Variants in MDFIC2 observed in about 807,000 individuals in gnomAD.
MDFIC2 encodes myoD family inhibitor domain-containing protein 2.
chr3:70,252,710 T>C (rs1701780914), intron 2 of MDFIC2, among the ~76,000 whole-genome samples: 1 of 152,172 alleles, frequency 6.6e-6, no homozygotes, highest in South Asian at 2.1e-4. Flanking sequence ...TTTTTTTAAA[T>C]TGAATGCCTC....
At chr3:70,205,434 C>A (rs1701280440) in intron 3 of MDFIC2, 1 of 152,102 alleles carries the variant, frequency 6.6e-6, no homozygotes, top group Admixed American at 6.6e-5. Context: ...GTGCACAAGA[C>A]ACCACATACA....
At chr3:70,223,894 G>T (rs1222403215) in intron 2 of MDFIC2, among the ~76,000 whole-genome samples, 2 of 151,730 alleles carry the variant, frequency 1.3e-5, no homozygotes, top group African/African-American at 4.8e-5. Flanking sequence ...CTCTTACTCT[G>T]CTTCATCAAT....
At chr3:70,254,152 C>A (rs977616494) in intron 2 of MDFIC2, among the ~76,000 whole-genome samples, 2 of 151,692 alleles carry the variant, frequency 1.3e-5, no homozygotes, top group African/African-American at 2.4e-5. Flanking sequence ...TCCAATTACA[C>A]AAAAAAAATT....
At chr3:70,216,410 C>A (rs1701412860) in intron 2 of MDFIC2, among the ~76,000 whole-genome samples, 4 of 151,822 alleles carry the variant, frequency 2.6e-5, no homozygotes, top group Admixed American at 2.0e-4. Flanking sequence ...ATACTCCCAG[C>A]AACCCTATGT....
Position 70,283,149 on chromosome 3 carries a change from A to G in MDFIC2, c.88+28737T>C, listed in dbSNP as rs371008547. On this transcript the variant is annotated intron_variant, in intron 2 of 3. Transcript: ENST00000567252. Reference sequence around the variant, plus strand: ...CATTTATCTTGACATCAACAGTAGCACTAGGTGGTTGTGAGCATAAGCAGT... The same window carrying G: ...CATTTATCTTGACATCAACAGTAGCGCTAGGTGGTTGTGAGCATAAGCAGT... Among the ~76,000 whole-genome samples the G allele has an allele frequency of 1.1e-4, 17 of 152,110 alleles. 1 individual carries two copies. The highest frequency in any genetic ancestry group is 9.6e-4 in the East Asian group (5 of 5,182).
intron 2 of MDFIC2, among the ~76,000 whole-genome samples, chr3:70,279,135 T>C (rs1226216686): frequency 1.3e-5 from 2 of 151,050 alleles, no homozygotes; most frequent in Non-Finnish European, 2.9e-5. Flanking sequence ...TTTCACTCAC[T>C]ACATGCAATC....
intron 2 of MDFIC2, among the ~76,000 whole-genome samples, chr3:70,235,681 C>T (rs1452849638): frequency 2.0e-5 from 3 of 152,282 alleles, no homozygotes; most frequent in African/African-American, 2.4e-5. Context: ...TGTTAGTCTG[C>T]ACAATGTGTA....
intron 2 of MDFIC2, among the ~76,000 whole-genome samples, chr3:70,269,995 G>A (rs981565411): frequency 5.3e-5 from 8 of 152,112 alleles, no homozygotes; most frequent in South Asian, 2.1e-4. Flanking sequence ...AAAACAGATC[G>A]AAACAAACAA....
chr3:70,222,456 T>C (rs572814409), intron 2 of MDFIC2, among the ~76,000 whole-genome samples: 5 of 152,370 alleles, frequency 3.3e-5, no homozygotes, highest in African/African-American at 1.2e-4. Flanking sequence ...TTTGTGTCTA[T>C]GTGCTTACAA....
intron 2 of MDFIC2, among the ~76,000 whole-genome samples, chr3:70,295,003 G>C (rs1462190325): frequency 1.3e-5 from 2 of 152,102 alleles, no homozygotes; most frequent in Non-Finnish European, 2.9e-5. Context: ...TAGCAGATGG[G>C]TTCTCATGTC....
At chr3:70,238,862 G>T (rs181471403) in intron 2 of MDFIC2, among the ~76,000 whole-genome samples, 275 of 152,144 alleles carry the variant, frequency 1.8e-3, no homozygotes, top group Non-Finnish European at 3.5e-3. Flanking sequence ...TGCATAGGAG[G>T]TTTAATTAAT....
intron 2 of MDFIC2, among the ~76,000 whole-genome samples, chr3:70,288,960 C>T (rs995850340): frequency 2.6e-4 from 39 of 152,030 alleles, no homozygotes; most frequent in South Asian, 4.2e-4. Flanking sequence ...TGTCTCTGCA[C>T]GTGAGATGGG....
At chr3:70,242,030 C>T (rs1659085608) in intron 2 of MDFIC2, among the ~76,000 whole-genome samples, 1 of 152,194 alleles carries the variant, frequency 6.6e-6, no homozygotes, top group South Asian at 2.1e-4. Flanking sequence ...CGGCTGACTA[C>T]ACTATCTTTG....
intron 3 of MDFIC2, chr3:70,205,471 T>A (rs1222804270): frequency 6.6e-6 from 1 of 152,138 alleles, no homozygotes; most frequent in African/African-American, 2.4e-5. Context: ...TCTTCCTTAC[T>A]TTCTAAAAAT....
intron 2 of MDFIC2, chr3:70,283,574 C>T (rs1416607791): frequency 6.6e-6 from 1 of 152,070 alleles, no homozygotes; most frequent in Non-Finnish European, 1.5e-5. Flanking sequence ...GTTACCTCAT[C>T]TATACAATGA....
At chr3:70,241,245 G>A (rs1401275944) in intron 2 of MDFIC2, among the ~76,000 whole-genome samples, 1 of 152,132 alleles carries the variant, frequency 6.6e-6, no homozygotes, top group Admixed American at 6.6e-5. Context: ...CTCTTTAGAG[G>A]TGTGTCTTTA....
At chr3:70,252,596 C>A (rs913402503) in intron 2 of MDFIC2, among the ~76,000 whole-genome samples, 1 of 152,080 alleles carries the variant, frequency 6.6e-6, no homozygotes, top group Non-Finnish European at 1.5e-5. Context: ...AATGAGATAT[C>A]CATGGTAAAC....
At position 70,288,792 on chromosome 3, in the gene MDFIC2, T is replaced by G. The variant is rs575280434; in HGVS notation, c.88+23094A>C. Among the ~76,000 whole-genome samples the G allele has an allele frequency of 2.0e-5, 3 of 151,996 alleles. No individual in the cohort carries two copies. The South Asian group carries it at 6.3e-4, about 32-fold the overall frequency. ...GGATAGTTAGCTCTTCTTGTTGAATTGATCCCTTTACCATTATGTAATGGC... is the reference window on the plus strand; with the variant it reads ...GGATAGTTAGCTCTTCTTGTTGAATGGATCCCTTTACCATTATGTAATGGC... On this transcript the variant is annotated intron_variant, in intron 2 of 3. Transcript: ENST00000567252.
intron 2 of MDFIC2, among the ~76,000 whole-genome samples, chr3:70,239,783 TA>T (rs1348827022): frequency 6.6e-6 from 1 of 152,156 alleles, no homozygotes; most frequent in Admixed American, 6.5e-5. Context: ...GATTATATGC[TA>T]AATACAGTGA....
Sources: allele counts gnomAD v4.1 joint callset (sites outside exome capture counted in the v4.1 genomes callset), GRCh38; gene constraint gnomAD v4.1.1; transcripts MANE v1.5; gene names NCBI Gene and HGNC (gene_info 2026-07-23, HGNC 2026-07-21).